UGT1A5: variants seen among roughly 807,000 people sequenced by gnomAD.
UGT1A5 encodes the protein UDP-glucuronosyltransferase 1A5.
In UGT1A5, 29 loss-of-function variants were observed where a neutral mutation model predicts 40.3. The observed-to-expected ratio is 0.72, with a 90% CI of 0.54 to 0.98. UGT1A5 has a LOEUF of 0.98. Ranked by LOEUF, UGT1A5 falls within the 50% of genes least tolerant of loss-of-function variation. UGT1A5 has a pLI of 0.00. For synonymous variants in UGT1A5, 257 were observed against 262.5 expected (o/e 0.98, Z 0.20); for missense variants, 678 against 677.9 (o/e 1.00, Z 0.00).
chr2:233,772,178 T>C, intron 4 of UGT1A5, 84 bp from the exon 5 acceptor site: 1 of 1,584,068 alleles, frequency 6.3e-7, no homozygotes, highest in Non-Finnish European at 8.6e-7. Context: ...AATCTGGTAG[T>C]CTTCTTAAGC....
chr2:233,767,741 T>TA (rs1481527437), intron 2 of UGT1A5, 108 bp from the exon 3 acceptor site: 1 of 1,582,034 alleles, frequency 6.3e-7, no homozygotes, highest in Non-Finnish European at 8.6e-7. Context: ...CCCACTCTGT[T>TA]AAAGACTGTT....
At chr2:233,737,382 C>T (rs751071024) in intron 1 of UGT1A5, among the ~76,000 whole-genome samples, 21 of 152,224 alleles carry the variant, frequency 1.4e-4, no homozygotes, top group Non-Finnish European at 2.6e-4. Flanking sequence ...GAGAGAATCT[C>T]CTTGTCTGCC....
Position 233,712,946 on chromosome 2 carries a change from G to C in UGT1A5, c.-46G>C, listed in dbSNP as rs541299523. The C allele has an allele frequency of 5.3e-5, 86 of 1,612,678 alleles. 1 individual carries two copies. In the South Asian group the frequency reaches 8.8e-4, roughly 16 times the overall value. On this transcript the variant is annotated 5_prime_UTR_variant, in exon 1 of 5. Coordinates refer to ENST00000373414, the MANE Select transcript of UGT1A5 (RefSeq NM_019078.2). ...TAAGACGAAGGAAACAATTCTAGGA[G>C]GCACAACGTGGGGTGGACAGTCAGC...
intron 1 of UGT1A5, among the ~76,000 whole-genome samples, chr2:233,741,312 A>G (rs536876139): frequency 2.0e-5 from 3 of 151,548 alleles, no homozygotes; most frequent in African/African-American, 4.9e-5. Context: ...ATACACACCA[A>G]CTCATTCTAC....
At chr2:233,729,885 T>C (rs2077943126) in intron 1 of UGT1A5, 3 of 1,613,802 alleles carry the variant, frequency 1.9e-6, no homozygotes, top group South Asian at 1.1e-5. Context: ...GTCATGCATC[T>C]GTGTGGCTGT....
At chr2:233,722,560 G>C (rs2077022969) in intron 1 of UGT1A5, among the ~76,000 whole-genome samples, 1 of 152,082 alleles carries the variant, frequency 6.6e-6, no homozygotes, top group Non-Finnish European at 1.5e-5. Context: ...TGGTTGATTT[G>C]TAGCTGCTTT....
In UGT1A5 at chr2:233,713,833, G is replaced by A; in HGVS notation, c.842G>A (p.Cys281Tyr). Residue 281 changes from cysteine (C) to tyrosine (Y), a missense_variant, in exon 1 of 5, where the codon TGT becomes TAT. Cys to Tyr is a radical substitution (Grantham distance 194). Transcript: ENST00000373414. ...PNMVFIGGIN[C>Y]ANGKPLSQEF... is the part of the protein sequence containing the mutation. ...ATGGTCTTCATTGGGGGCATCAACT[G>A]TGCCAACGGGAAGCCACTATCTCAG... is the stretch of plus-strand genomic sequence containing the variant. 6.8e-6 allele frequency: 11 copies of A among 1,614,060 alleles called. No individual in the cohort carries two copies. Among genetic ancestry groups the A allele is most frequent in the Non-Finnish European group, 9.3e-6 (11 of 1,179,972 alleles).
chr2:233,718,939 C>T (rs149017068), intron 1 of UGT1A5: 3 of 1,614,142 alleles, frequency 1.9e-6, no homozygotes, highest in East Asian at 2.2e-5. Context: ...GATGGCAGCC[C>T]CTGGCTCAGC....
At chr2:233,731,876 G>A (rs2078215412) in intron 1 of UGT1A5, among the ~76,000 whole-genome samples, 1 of 152,166 alleles carries the variant, frequency 6.6e-6, no homozygotes, top group Non-Finnish European at 1.5e-5. Context: ...TTCCACAATG[G>A]TTGAACTAAT....
At chr2:233,764,825 G>A (rs1698655202) in intron 1 of UGT1A5, among the ~76,000 whole-genome samples, 1 of 152,070 alleles carries the variant, frequency 6.6e-6, no homozygotes, top group African/African-American at 2.4e-5. Flanking sequence ...ATGCAGCATG[G>A]TGGTGGGGAG....
intron 1 of UGT1A5, among the ~76,000 whole-genome samples, chr2:233,745,639 G>A (rs182919627): frequency 4.6e-5 from 7 of 151,616 alleles, no homozygotes; most frequent in African/African-American, 1.7e-4. Flanking sequence ...AAAGCTGGCC[G>A]AGGGTAGAGT....
At chr2:233,747,332 A>T in intron 1 of UGT1A5, 1 of 1,603,532 alleles carries the variant, frequency 6.2e-7, no homozygotes, top group Non-Finnish European at 8.5e-7. Flanking sequence ...GATGGCAGCC[A>T]CTGGCTCGCA....
chr2:233,717,356 G>A (rs1181500345), intron 1 of UGT1A5, among the ~76,000 whole-genome samples: 1 of 152,158 alleles, frequency 6.6e-6, no homozygotes, highest in Admixed American at 6.5e-5. Flanking sequence ...CCTCCCCTGG[G>A]GAGTTCTCAA....
At chr2:233,737,627 C>T (rs979960494) in intron 1 of UGT1A5, among the ~76,000 whole-genome samples, 1 of 152,190 alleles carries the variant, frequency 6.6e-6, no homozygotes, top group African/African-American at 2.4e-5. Flanking sequence ...AGAAATCATC[C>T]ATCTTCTGCG....
chr2:233,760,654 C>T (rs1222597079), intron 1 of UGT1A5: 1 of 1,614,218 alleles, frequency 6.2e-7, no homozygotes, highest in Non-Finnish European at 8.5e-7. Context: ...CTCTGCTATG[C>T]TTTTGTCTGG....
At chr2:233,758,675 G>A (rs1391896558) in intron 1 of UGT1A5, among the ~76,000 whole-genome samples, 10 of 152,156 alleles carry the variant, frequency 6.6e-5, no homozygotes, top group Admixed American at 6.5e-4. Flanking sequence ...CTGTTAATAT[G>A]TCCCATAGGA....
intron 1 of UGT1A5, chr2:233,747,483 C>A (rs993277218): frequency 6.2e-7 from 1 of 1,608,496 alleles, no homozygotes; most frequent in Non-Finnish European, 8.5e-7. Context: ...TGAATTTGAT[C>A]GCCTTGTGCT....
At chr2:233,737,427 G>T (rs1289829376) in intron 1 of UGT1A5, among the ~76,000 whole-genome samples, 1 of 152,214 alleles carries the variant, frequency 6.6e-6, no homozygotes, top group Non-Finnish European at 1.5e-5. Flanking sequence ...ACAGTATTTG[G>T]GTGGGAGTGT....
At position 233,747,695 on chromosome 2, in the gene UGT1A5, G is replaced by A. The variant is rs569419089; in HGVS notation, c.868-19339G>A. The A allele has an allele frequency of 6.2e-4, 998 of 1,611,470 alleles. 13 individuals carry two copies. In the South Asian group the frequency reaches 7.6e-3, roughly 12 times the overall value. On this transcript the variant is annotated intron_variant, in intron 1 of 4. Coordinates refer to ENST00000373414, the MANE Select transcript of UGT1A5 (RefSeq NM_019078.2). ...CAATTTACCTCTGTGGGGCAGTGCTGGCTAAGTACCTATCAATTCCTGCTG... is the reference window on the plus strand; with the variant it reads ...CAATTTACCTCTGTGGGGCAGTGCTAGCTAAGTACCTATCAATTCCTGCTG...
Sources: allele counts gnomAD v4.1 joint callset (sites outside exome capture counted in the v4.1 genomes callset), GRCh38; gene constraint gnomAD v4.1.1; transcripts MANE v1.5; gene names NCBI Gene and HGNC (gene_info 2026-07-23, HGNC 2026-07-21).